ZFHX4: variants seen among roughly 807,000 people sequenced by gnomAD.
ZFHX4 encodes the protein zinc finger homeobox protein 4.
A neutral mutation model predicts 267.6 loss-of-function variants in ZFHX4; 56 were observed. That is an observed-to-expected ratio of 0.21 (90% confidence interval 0.17 to 0.26). The LOEUF (loss-of-function observed/expected upper bound fraction) is 0.26. ZFHX4 is among the 10% of genes least tolerant of loss of function. The pLI, the probability that ZFHX4 is intolerant of heterozygous loss-of-function variation, is 1.00. For synonymous variants in ZFHX4, 1,778 were observed against 1,665.6 expected, an observed-to-expected ratio of 1.07 and a Z score of -1.64; for missense variants, 4,332 against 4,420.0, an observed-to-expected ratio of 0.98 and a Z score of 0.56.
At position 76,833,887 on chromosome 8, in the gene ZFHX4, A is replaced by C. The variant is rs950497587; in HGVS notation, c.3394+481A>C. On this transcript the variant is annotated intron_variant, in intron 5 of 10. Coordinates refer to ENST00000651372, the MANE Select transcript of ZFHX4 (RefSeq NM_024721.5). ...ATAAATCTTCTGTGCCAGTCTATTC[A>C]TTGTTTCCACCTCCTTGACCCCTGT... Among the ~76,000 whole-genome samples the C allele has an allele frequency of 2.6e-5, 4 of 152,104 alleles. No homozygotes were observed. The East Asian group carries it at 7.7e-4, about 29-fold the overall frequency.
chr8:76,794,405 A>C lies in ZFHX4; in HGVS notation c.3325+15966A>C, dbSNP rs533187619. Among the ~76,000 whole-genome samples, 235 of 152,276 alleles carry C rather than the reference A, an allele frequency of 1.5e-3. 1 individual carries two copies. Among genetic ancestry groups the C allele is most frequent in the African/African-American group, 5.5e-3 (227 of 41,560 alleles). Reference sequence around the variant, plus strand: ...TCTTATGCATTTCATGTATAAGAAGAGGTTCACATATACAGAATCCAGGAA... The same window carrying C: ...TCTTATGCATTTCATGTATAAGAAGCGGTTCACATATACAGAATCCAGGAA... On this transcript the variant is annotated intron_variant, in intron 4 of 10. Coordinates refer to ENST00000651372, the MANE Select transcript of ZFHX4 (RefSeq NM_024721.5).
At chr8:76,766,632 G>A (rs1810057447) in intron 3 of ZFHX4, among the ~76,000 whole-genome samples, 1 of 151,828 alleles carries the variant, frequency 6.6e-6, no homozygotes, top group South Asian at 2.1e-4. Flanking sequence ...GACCTTACAA[G>A]CATCTATAGG....
At position 76,839,000 on chromosome 8, in the gene ZFHX4, G is replaced by A. The variant is rs6981635; in HGVS notation, c.3395-3655G>A. Among the ~76,000 whole-genome samples the A allele has an allele frequency of 2.8e-3, 424 of 150,292 alleles. 3 individuals are homozygous for A. The highest frequency in any genetic ancestry group is 1.0e-2 in the African/African-American group (410 of 41,068). On this transcript the variant is annotated intron_variant, in intron 5 of 10. Transcript: ENST00000651372. ...AACCCAGGAGACAGAAGTTGCATGAGCCGAGAGTGCCACTGCATTCCAGGC... is the reference window on the plus strand; with the variant it reads ...AACCCAGGAGACAGAAGTTGCATGAACCGAGAGTGCCACTGCATTCCAGGC...
In ZFHX4 at chr8:76,864,111, T is replaced by C. The variant is rs753316221; in HGVS notation, c.10397T>C (p.Leu3466Pro). The C allele has an allele frequency of 1.3e-5, 21 of 1,613,718 alleles. No homozygotes were observed. Among genetic ancestry groups the C allele is most frequent in the Non-Finnish European group, 1.6e-5 (19 of 1,179,820 alleles). ...GGGAATGAAGCACTTAGCCAACACCTCCAGTCAAGCTTGCACAAAGAGAAA... is the reference window on the plus strand; with the variant it reads ...GGGAATGAAGCACTTAGCCAACACCCCCAGTCAAGCTTGCACAAAGAGAAA... ...ISGNEALSQH[L>P]QSSLHKEKTI... Residue 3466 changes from leucine (L) to proline (P), a missense_variant, in exon 11 of 11, where the codon CTC becomes CCC. By Grantham distance (98) the Leu-to-Pro change is moderately conservative (BLOSUM62 -3). Transcript: ENST00000651372.
intron 3 of ZFHX4, among the ~76,000 whole-genome samples, chr8:76,750,743 C>T (rs1196582548): frequency 6.6e-6 from 1 of 151,876 alleles, no homozygotes; most frequent in Admixed American, 6.6e-5. Context: ...TAGCAGTTAA[C>T]AAGTGAAAAA....
Position 76,857,380 on chromosome 8 carries a change from A to C in ZFHX4, c.9379+1080A>C, listed in dbSNP as rs769938298. On this transcript the variant is annotated intron_variant, in intron 10 of 10. Transcript: ENST00000651372. ...TATATATATATATATATATATATAT[A>C]TCTACATTTACAAAAAATAAGGAAA... 4.8e-3 allele frequency among the ~76,000 whole-genome samples: 683 copies of C among 141,396 alleles called. 6 individuals are homozygous for C. Among genetic ancestry groups the C allele is most frequent in the South Asian group, 0.014 (64 of 4,484 alleles). 92.8% of individuals were successfully genotyped at this position (141,396 alleles called of 152,430 possible). A position where few individuals can be genotyped will look rare whatever the true frequency, so the allele number is the denominator to read the frequency against.
At position 76,855,044 on chromosome 8, in the gene ZFHX4, G is replaced by T; in HGVS notation, c.8123G>T (p.Ser2708Ile). Residue 2708 changes from serine (S) to isoleucine (I), a missense_variant, in exon 10 of 11, where the codon AGC becomes ATC. By Grantham distance (142) the Ser-to-Ile change is moderately radical. Around this residue, in one of 7 missense-constraint regions of ZFHX4, gnomAD observed 1,648 missense variants for 1,625.0 expected, o/e 1.01. Transcript: ENST00000651372. ...HWNEGKQAGY[S>I]LPPSPLISTE... is the part of the protein sequence containing the mutation. ...AATGAAGGAAAGCAGGCAGGTTACAGCTTGCCACCAAGCCCTTTAATATCC... is the reference window on the plus strand; with the variant it reads ...AATGAAGGAAAGCAGGCAGGTTACATCTTGCCACCAAGCCCTTTAATATCC... 1 of 1,613,932 alleles carries T rather than the reference G, an allele frequency of 6.2e-7. No homozygotes were observed. The highest frequency in any genetic ancestry group is 2.2e-5 in the East Asian group (1 of 44,836).
intron 3 of ZFHX4, among the ~76,000 whole-genome samples, chr8:76,711,355 A>G (rs1808418492): frequency 6.6e-6 from 1 of 152,198 alleles, no homozygotes; most frequent in Non-Finnish European, 1.5e-5. Flanking sequence ...AAAATAAAAC[A>G]ATAAGATGAA....
At chr8:76,794,907 G>A (rs1284601211) in intron 4 of ZFHX4, among the ~76,000 whole-genome samples, 1 of 151,852 alleles carries the variant, frequency 6.6e-6, no homozygotes, top group Non-Finnish European at 1.5e-5. Context: ...GTGTGTGTGT[G>A]TGTGGACAAA....
intron 3 of ZFHX4, among the ~76,000 whole-genome samples, chr8:76,739,011 G>A (rs766294542): frequency 3.9e-5 from 6 of 151,964 alleles, no homozygotes; most frequent in African/African-American, 9.7e-5. Context: ...CACCATGCCC[G>A]GTCTGCTTTT....
At chr8:76,701,887 A>G (rs776776021) in intron 1 of ZFHX4, among the ~76,000 whole-genome samples, 1 of 152,112 alleles carries the variant, frequency 6.6e-6, no homozygotes, top group East Asian at 1.9e-4. Flanking sequence ...GGAACTTTAC[A>G]TTTTAATCTA....
At chr8:76,751,611 G>A (rs1161522609) in intron 3 of ZFHX4, among the ~76,000 whole-genome samples, 3 of 152,130 alleles carry the variant, frequency 2.0e-5, no homozygotes, top group Non-Finnish European at 2.9e-5. Flanking sequence ...AGAATTTTTA[G>A]AATGAATTGT....
chr8:76,777,868 G>T (rs1008104013), intron 3 of ZFHX4, among the ~76,000 whole-genome samples: 33 of 137,290 alleles, frequency 2.4e-4, no homozygotes, highest in Non-Finnish European at 2.7e-4. Flanking sequence ...TTTTTTTTTT[G>T]TTTGTTTTTG....
intron 1 of ZFHX4, among the ~76,000 whole-genome samples, chr8:76,689,276 C>G (rs11775718): frequency 0.12 from 17,542 of 152,054 alleles, 1,704 homozygotes; most frequent in African/African-American, 0.26. Context: ...TAACCAGGCA[C>G]CATGTGTTGT....
intron 3 of ZFHX4, among the ~76,000 whole-genome samples, chr8:76,709,775 ATGTGTGCGTG>A (rs904591649): frequency 2.1e-4 from 32 of 149,438 alleles, no homozygotes; most frequent in South Asian, 4.3e-4. Context: ...ATTTAAATGT[ATGTGTGCGTG>A]TGTGTGCGTG....
At chr8:76,825,849 C>T (rs949104324) in intron 4 of ZFHX4, among the ~76,000 whole-genome samples, 23 of 152,154 alleles carry the variant, frequency 1.5e-4, no homozygotes, top group African/African-American at 5.6e-4. Context: ...TAGAGGGAGG[C>T]ACCTATCATC....
chr8:76,856,346 A>G (rs746905056), intron 10 of ZFHX4, 46 bp downstream of exon 10: 2 of 1,600,852 alleles, frequency 1.2e-6, no homozygotes, highest in Admixed American at 1.7e-5. Context: ...AAGTAGCATC[A>G]GGTAGACAGT....
At chr8:76,724,635 G>T (rs1312595085) in intron 3 of ZFHX4, among the ~76,000 whole-genome samples, 1 of 152,110 alleles carries the variant, frequency 6.6e-6, no homozygotes, top group East Asian at 1.9e-4. Flanking sequence ...GAGTCCAGAA[G>T]TTGGTTTAAA....
Position 76,747,793 on chromosome 8 carries a change from G to A in ZFHX4, c.3094-30415G>A, listed in dbSNP as rs187778855. ...CTAAAAATACAAAAATTAGCTGGGC[G>A]TGGTGGCAAGCACCTGTAAACCCAG... On this transcript the variant is annotated intron_variant, in intron 3 of 10. Coordinates refer to ENST00000651372, the MANE Select transcript of ZFHX4 (RefSeq NM_024721.5). Among the ~76,000 whole-genome samples the A allele has an allele frequency of 1.9e-4, 29 of 152,166 alleles. No homozygotes were observed. The East Asian group carries it at 5.2e-3, about 27-fold the overall frequency.
Sources: gnomAD v4.1 joint callset for allele counts (sites outside exome capture counted in the v4.1 genomes callset) on GRCh38, gnomAD v4.1.1 for gene constraint, gnomAD v4.1.1 regional missense constraint, MANE v1.5 for transcripts, NCBI Gene and HGNC (gene_info 2026-07-23, HGNC 2026-07-21) for gene names.